The following PTH2R variants were observed in gnomAD, a reference collection of about 807,000 sequenced individuals.
PTH2R encodes PTH2 receptor.
A neutral mutation model predicts 60.3 loss-of-function variants in PTH2R; 59 were observed. The observed-to-expected ratio is 0.98, with a 90% confidence interval of 0.79 to 1.22. PTH2R has a LOEUF of 1.22. PTH2R is among the 50% of genes most tolerant of loss of function. The probability of loss-of-function intolerance (pLI) is 0.00; values close to 1 mark genes in which losing one functional copy is unlikely to be tolerated. For missense variants in PTH2R, 749 were observed against 682.6 expected (o/e 1.10, Z -1.08); for synonymous variants, 256 against 243.8 (o/e 1.05, Z -0.47).
intron 1 of PTH2R, among the ~76,000 whole-genome samples, chr2:208,413,141 CCACACACACACA>C (rs5838121): frequency 1.3e-5 from 2 of 149,766 alleles, no homozygotes; most frequent in Non-Finnish European, 3.0e-5. Flanking sequence ...TAAAAAGTGA[CCACACACACACA>C]CACACACACA....
rs575380861 is a variant in PTH2R, at chr2:208,395,405, C to T, written c.-258-32796C>T. Among the ~76,000 whole-genome samples the T allele has an allele frequency of 3.3e-5, 5 of 152,114 alleles. No homozygotes were observed. In the South Asian group the frequency reaches 1.0e-3, roughly 32 times the overall value. ...GGTATTGCTGTGAAAAAAAAATGTG[C>T]CTCATGTAGAGGATGTCTATTTCCA... is the stretch of plus-strand genomic sequence containing the variant. On this transcript the variant is annotated intron_variant, in intron 1 of 12. Transcript: ENST00000617735.
chr2:208,424,912 C>A (rs989410416), intron 1 of PTH2R, among the ~76,000 whole-genome samples: 6 of 152,018 alleles, frequency 3.9e-5, no homozygotes, highest in African/African-American at 1.4e-4. Flanking sequence ...AAAGTAAAAC[C>A]AACAGGAGCA....
At chr2:208,458,828 G>A (rs2364124) in intron 8 of PTH2R, among the ~76,000 whole-genome samples, 87,257 of 151,880 alleles carry the variant, frequency 0.57, 26,333 homozygotes, top group Admixed American at 0.66. Context: ...CATGTACCAC[G>A]TTTTCTTTAT....
chr2:208,428,010 C>G (rs1048613999), intron 1 of PTH2R, among the ~76,000 whole-genome samples, 191 bp from the exon 2 acceptor site: 9 of 151,728 alleles, frequency 5.9e-5, no homozygotes, highest in African/African-American at 1.2e-4. Context: ...AAAGGCTAAT[C>G]AGGTAAAAGT....
intron 8 of PTH2R, among the ~76,000 whole-genome samples, chr2:208,451,195 A>G (rs1702401815): frequency 6.6e-6 from 1 of 152,158 alleles, no homozygotes; most frequent in African/African-American, 2.4e-5. Flanking sequence ...TCTCTCTGCC[A>G]CATCAACTTT....
intron 7 of PTH2R, among the ~76,000 whole-genome samples, chr2:208,447,257 C>T (rs978605722): frequency 7.2e-5 from 11 of 152,008 alleles, no homozygotes; most frequent in African/African-American, 2.4e-4. Flanking sequence ...CAGATGTGAG[C>T]GACCATGTGC....
intron 1 of PTH2R, among the ~76,000 whole-genome samples, chr2:208,380,525 A>T (rs1203286753): frequency 2.0e-5 from 3 of 151,214 alleles, no homozygotes; most frequent in East Asian, 3.9e-4. Context: ...TTAAATTATC[A>T]CCCCCCTTCC....
chr2:208,431,099 GT>G (rs1164318878), intron 2 of PTH2R, among the ~76,000 whole-genome samples: 1 of 152,086 alleles, frequency 6.6e-6, no homozygotes, highest in Admixed American at 6.6e-5. Flanking sequence ...GTGTGTCGAT[GT>G]CTTATGTATT....
intron 1 of PTH2R, among the ~76,000 whole-genome samples, chr2:208,425,046 A>T (rs560086872): frequency 2.0e-5 from 3 of 152,208 alleles, no homozygotes; most frequent in Admixed American, 6.5e-5. Context: ...AGATCAATGG[A>T]CTAAATAAAA....
chr2:208,488,114 A>C (rs1366847046), intron 10 of PTH2R, among the ~76,000 whole-genome samples: 1 of 152,200 alleles, frequency 6.6e-6, no homozygotes, highest in Non-Finnish European at 1.5e-5. Context: ...CAAATACTTA[A>C]GAAAACTTGT....
intron 1 of PTH2R, among the ~76,000 whole-genome samples, chr2:208,390,845 T>C (rs1424979763): frequency 6.6e-6 from 1 of 152,176 alleles, no homozygotes; most frequent in Non-Finnish European, 1.5e-5. Flanking sequence ...AAGTATTTGA[T>C]GAGGTAGGGG....
chr2:208,407,590 A>G (rs898659161), intron 1 of PTH2R, among the ~76,000 whole-genome samples: 7 of 152,260 alleles, frequency 4.6e-5, no homozygotes, highest in African/African-American at 1.7e-4. Context: ...AGAATCACAT[A>G]CATTCAAGTT....
chr2:208,457,723 G>A (rs1012983285), intron 8 of PTH2R, among the ~76,000 whole-genome samples: 1 of 152,134 alleles, frequency 6.6e-6, no homozygotes, highest in African/African-American at 2.4e-5. Context: ...ACATGGGGAG[G>A]ACTGAGACAT....
intron 8 of PTH2R, among the ~76,000 whole-genome samples, chr2:208,454,039 C>T (rs187212260): frequency 5.7e-4 from 87 of 152,252 alleles, no homozygotes; most frequent in African/African-American, 2.0e-3. Flanking sequence ...CAAGTGCCTC[C>T]GGGGCTGACT....
At position 208,440,263 on chromosome 2, in the gene PTH2R, A is replaced by G. The variant is rs1461322710; in HGVS notation, c.412-2101A>G. Among the ~76,000 whole-genome samples, 4 of 152,338 alleles carry G rather than the reference A, an allele frequency of 2.6e-5. No homozygotes were observed. The East Asian group carries it at 7.7e-4, about 29-fold the overall frequency. Reference sequence around the variant, plus strand: ...TAGGGAGATGCCATCTCTTAAAGTCATAACAATAACAACTTCAAGAAATAT... The same window carrying G: ...TAGGGAGATGCCATCTCTTAAAGTCGTAACAATAACAACTTCAAGAAATAT... On this transcript the variant is annotated intron_variant, in intron 4 of 12. Transcript: ENST00000272847.
chr2:208,397,069 C>A (rs980000870), intron 1 of PTH2R, among the ~76,000 whole-genome samples: 6 of 151,986 alleles, frequency 3.9e-5, no homozygotes, highest in East Asian at 1.9e-4. Flanking sequence ...GAAAACCAAA[C>A]CTGCATGTTC....
At chr2:208,484,826 C>T (rs773218244) in intron 10 of PTH2R, among the ~76,000 whole-genome samples, 1 of 152,130 alleles carries the variant, frequency 6.6e-6, no homozygotes, top group Non-Finnish European at 1.5e-5. Context: ...TCTCTGTGAG[C>T]CTCTATCCTC....
chr2:208,370,097 G>A (rs768220991), intron 1 of PTH2R, among the ~76,000 whole-genome samples: 1 of 152,024 alleles, frequency 6.6e-6, no homozygotes, highest in Non-Finnish European at 1.5e-5. Flanking sequence ...TGGCAACAAT[G>A]CTACTTCTAT....
At chr2:208,450,852 T>C (rs745734431) in intron 8 of PTH2R, 43 bp downstream of exon 8, 1 of 1,589,436 alleles carries the variant, frequency 6.3e-7, no homozygotes, top group Non-Finnish European at 8.6e-7. Flanking sequence ...TCAGATGTTC[T>C]CAAGACTCAG....
Sources: allele counts gnomAD v4.1 joint callset (sites outside exome capture counted in the v4.1 genomes callset), GRCh38; gene constraint gnomAD v4.1.1; transcripts MANE v1.5; gene names NCBI Gene and HGNC (gene_info 2026-07-23, HGNC 2026-07-21).